ASXL2: variants seen among roughly 807,000 people sequenced by gnomAD.
ASXL2 encodes the protein putative Polycomb group protein ASXL2.
ASXL2 carries 23 observed loss-of-function variants against 122.0 expected under a neutral mutation model. The observed-to-expected ratio is 0.19, with a 90% CI of 0.14 to 0.27. ASXL2 has a LOEUF of 0.27. Ranked by LOEUF, ASXL2 falls within the 10% of genes least tolerant of loss-of-function variation. ASXL2 has a pLI of 1.00. For synonymous variants in ASXL2, 650 were observed against 637.0 expected (o/e 1.02, Z -0.31); for missense variants, 1,518 against 1,713.8 (o/e 0.89, Z 2.02).
At chr2:25,851,631 CG>C (rs2149196181) in intron 1 of ASXL2, among the ~76,000 whole-genome samples, 1 of 152,230 alleles carries the variant, frequency 6.6e-6, no homozygotes, top group African/African-American at 2.4e-5. Context: ...TTTCTGTATT[CG>C]TTTACATTTA....
chr2:25,834,182 G>A (rs914388382), intron 3 of ASXL2, among the ~76,000 whole-genome samples: 6 of 151,948 alleles, frequency 3.9e-5, no homozygotes, highest in African/African-American at 7.2e-5. Context: ...GTAAAACCCC[G>A]TCTCTACTAA....
chr2:25,873,953 A>G (rs1025853347), intron 1 of ASXL2, among the ~76,000 whole-genome samples: 1 of 152,234 alleles, frequency 6.6e-6, no homozygotes, highest in African/African-American at 2.4e-5. Flanking sequence ...TGCTATTTTC[A>G]AAGTTCTGCT....
intron 2 of ASXL2, among the ~76,000 whole-genome samples, chr2:25,836,263 G>T (rs1177003154): frequency 1.3e-5 from 2 of 152,090 alleles, no homozygotes; most frequent in African/African-American, 4.8e-5. Context: ...GAAGATGCAG[G>T]CTTAACCACA....
At chr2:25,859,403 T>A (rs2089819635) in intron 1 of ASXL2, among the ~76,000 whole-genome samples, 1 of 152,180 alleles carries the variant, frequency 6.6e-6, no homozygotes, top group Non-Finnish European at 1.5e-5. Context: ...TTAAAATATA[T>A]CCCTTATGTG....
intron 1 of ASXL2, among the ~76,000 whole-genome samples, chr2:25,877,898 AT>A (rs2090022999): frequency 1.3e-5 from 2 of 152,198 alleles, no homozygotes; most frequent in African/African-American, 4.8e-5. Context: ...CGGAGGTGAT[AT>A]CGGCTCGACC....
intron 3 of ASXL2, among the ~76,000 whole-genome samples, chr2:25,820,930 G>A (rs573362395): frequency 6.6e-6 from 1 of 152,276 alleles, no homozygotes; most frequent in African/African-American, 2.4e-5. Context: ...ACACTGGGAG[G>A]CCTAGGCGGG....
chr2:25,772,548 A>T (rs2088473084), intron 5 of ASXL2, among the ~76,000 whole-genome samples: 1 of 152,156 alleles, frequency 6.6e-6, no homozygotes, highest in South Asian at 2.1e-4. Flanking sequence ...CCTGACCAAC[A>T]TGGAGAAACC....
intron 1 of ASXL2, among the ~76,000 whole-genome samples, chr2:25,846,181 C>T (rs1013335578): frequency 6.6e-6 from 1 of 152,194 alleles, no homozygotes; most frequent in African/African-American, 2.4e-5. Context: ...GTCTGAGGCA[C>T]AGTAAAGAGG....
intron 3 of ASXL2, among the ~76,000 whole-genome samples, chr2:25,828,832 A>AC (rs2089411480): frequency 6.6e-6 from 1 of 150,866 alleles, no homozygotes; most frequent in Non-Finnish European, 1.5e-5. Flanking sequence ...CTCAAAAAAA[A>AC]AAAAAAAAAA....
intron 5 of ASXL2, among the ~76,000 whole-genome samples, chr2:25,778,926 C>T (rs551664994): frequency 6.6e-6 from 1 of 152,180 alleles, no homozygotes; most frequent in South Asian, 2.1e-4. Context: ...AGTGTGCACA[C>T]CACACTAGGA....
intron 2 of ASXL2, among the ~76,000 whole-genome samples, chr2:25,840,515 T>C (rs756158513): frequency 1.3e-5 from 2 of 152,222 alleles, no homozygotes; most frequent in Non-Finnish European, 2.9e-5. Context: ...ACTCATTTAA[T>C]AGAAACTCAC....
intron 1 of ASXL2, chr2:25,857,090 C>CCGGGGG (rs1553706299): frequency 1.7e-5 from 1 of 58,466 alleles, no homozygotes; most frequent in African/African-American, 7.7e-5. Flanking sequence ...TTGGGGGGGG[C>CCGGGGG]GGGGGGGGGG....
chr2:25,843,194 C>T (rs889042435), intron 2 of ASXL2, among the ~76,000 whole-genome samples: 2 of 150,150 alleles, frequency 1.3e-5, no homozygotes, highest in East Asian at 4.0e-4. Context: ...CCCAGCTACT[C>T]GGGAGGCTAA....
At chr2:25,773,812 C>A (rs1365980445) in intron 5 of ASXL2, among the ~76,000 whole-genome samples, 3 of 151,754 alleles carry the variant, frequency 2.0e-5, no homozygotes, top group Admixed American at 6.6e-5. Flanking sequence ...AGGTGGAACA[C>A]TTGAGGTTAG....
intron 3 of ASXL2, among the ~76,000 whole-genome samples, chr2:25,807,500 T>C (rs555617675): frequency 3.9e-5 from 6 of 152,344 alleles, no homozygotes; most frequent in African/African-American, 7.2e-5. Context: ...TTTCCATAGC[T>C]ACGTTTATCT....
At chr2:25,783,404 T>TA (rs1193807469) in intron 5 of ASXL2, among the ~76,000 whole-genome samples, 125 of 143,926 alleles carry the variant, frequency 8.7e-4, no homozygotes, top group Middle Eastern at 3.6e-3. Context: ...TTTTTTCCTT[T>TA]AAAAAAAAAA....
intron 1 of ASXL2, among the ~76,000 whole-genome samples, chr2:25,851,159 A>AAAAG (rs199657818): frequency 6.8e-6 from 1 of 146,080 alleles, no homozygotes; most frequent in African/African-American, 2.4e-5. Context: ...AAAAAAAAAA[A>AAAAG]AAAGAAAGAA....
chr2:25,810,405 A>C, intron 3 of ASXL2: 1 of 686,822 alleles, frequency 1.5e-6, no homozygotes, highest in Non-Finnish European at 2.7e-6. Context: ...CACTCTGATC[A>C]GTAGCTTTTT....
intron 1 of ASXL2, chr2:25,856,579 C>A: frequency 8.5e-7 from 1 of 1,174,032 alleles, no homozygotes; most frequent in Admixed American, 1.7e-5. Flanking sequence ...GGGTAGGGGG[C>A]GCCAGTCTTG....
Sources: allele counts gnomAD v4.1 joint callset (sites outside exome capture counted in the v4.1 genomes callset), GRCh38; gene constraint gnomAD v4.1.1; transcripts MANE v1.5; gene names NCBI Gene and HGNC (gene_info 2026-07-23, HGNC 2026-07-21).